The following KLF7 variants were observed in gnomAD, a reference collection of about 807,000 sequenced individuals.
KLF7 encodes KLF transcription factor 7, also known as Krueppel-like factor 7.
In KLF7, 2 loss-of-function variants were observed where a neutral mutation model predicts 27.3. The observed-to-expected ratio is 0.07, with a 90% CI of 0.03 to 0.23. The LOEUF (loss-of-function observed/expected upper bound fraction) is 0.23. Ranked by LOEUF, KLF7 falls within the 10% of genes least tolerant of loss-of-function variation. The probability of loss-of-function intolerance (pLI) is 1.00; values close to 1 mark genes in which losing one functional copy is unlikely to be tolerated. For synonymous variants in KLF7, 165 were observed against 162.4 expected (o/e 1.02, Z -0.12); for missense variants, 221 against 394.1 (o/e 0.56, Z 3.72).
rs187785511 is a variant in KLF7, at chr2:207,155,170, T to C, written c.102+10297A>G. Among the ~76,000 whole-genome samples, 11 of 152,302 alleles carry C rather than the reference T, an allele frequency of 7.2e-5. No individual in the cohort carries two copies. The East Asian group carries it at 1.7e-3, about 24-fold the overall frequency. ...TTTCCATCTGTAAAATGGGGATAAATAGAATACGCATTTCATAGAGCTGTT... is the reference window on the plus strand; with the variant it reads ...TTTCCATCTGTAAAATGGGGATAAACAGAATACGCATTTCATAGAGCTGTT... On this transcript the variant is annotated intron_variant, in intron 1 of 3. Coordinates refer to ENST00000309446, the MANE Select transcript of KLF7 (RefSeq NM_003709.4).
chr2:207,084,438 A>G (rs546824475), intron 3 of KLF7, among the ~76,000 whole-genome samples: 18 of 152,050 alleles, frequency 1.2e-4, no homozygotes, highest in East Asian at 1.9e-4. Flanking sequence ...AAATTCAGGG[A>G]AAAAAAAGTG....
intron 1 of KLF7, among the ~76,000 whole-genome samples, chr2:207,160,385 A>G (rs1039969472): frequency 3.3e-5 from 5 of 152,350 alleles, no homozygotes; most frequent in Admixed American, 2.0e-4. Flanking sequence ...GTTCTAACAC[A>G]TAGGCTAACT....
At chr2:207,114,219 T>A (rs905842824) in intron 2 of KLF7, among the ~76,000 whole-genome samples, 3 of 152,236 alleles carry the variant, frequency 2.0e-5, no homozygotes, top group Non-Finnish European at 4.4e-5. Context: ...TTATTACCTA[T>A]ATCAAGGAAG....
intron 2 of KLF7, among the ~76,000 whole-genome samples, chr2:207,099,368 C>T (rs1409774129): frequency 1.3e-5 from 2 of 151,894 alleles, no homozygotes; most frequent in East Asian, 3.9e-4. Flanking sequence ...GGAGACTAAA[C>T]TAGGCCTTAT....
At position 207,080,681 on chromosome 2, in the gene KLF7, G is replaced by A. The variant is rs1242854338; in HGVS notation, c.*532C>T. On this transcript the variant is annotated 3_prime_UTR_variant, in exon 4 of 4. Transcript: ENST00000309446. The stretch of plus-strand genomic sequence containing the variant: ...ACAAATAAACCAAGAGTTAATTTTG[G>A]CTACCAAACTGCAATTTGGTTTTCT... 1 of 397,190 alleles carries A rather than the reference G, an allele frequency of 2.5e-6. No homozygotes were observed. Among genetic ancestry groups the A allele is most frequent in the East Asian group, 3.6e-5 (1 of 28,056 alleles). The allele number at this position is 397,190 out of a possible 1,614,324, so 24.6% of individuals were successfully genotyped here. A position where few individuals can be genotyped will look rare whatever the true frequency, so the allele number is the denominator to read the frequency against.
intron 3 of KLF7, among the ~76,000 whole-genome samples, chr2:207,087,871 T>C (rs753245810): frequency 5.3e-5 from 8 of 152,178 alleles, no homozygotes; most frequent in Non-Finnish European, 8.8e-5. Flanking sequence ...TAAAATTGAA[T>C]TACAGGAGGA....
rs561290361 is a variant in KLF7 at position 207,143,599 on chromosome 2, T to C, written c.103-19195A>G. Among the ~76,000 whole-genome samples the C allele has an allele frequency of 1.0e-3, 158 of 152,326 alleles. 3 individuals carry two copies. The highest frequency in any genetic ancestry group is 1.6e-4 in the Non-Finnish European group (11 of 68,036). ...ACCCATTCCTGTAGACATGCATTTA[T>C]GACCACATTCTCCTGGCCAGTAACC... On this transcript the variant is annotated intron_variant, in intron 1 of 3. Transcript: ENST00000309446.
chr2:207,105,531 G>A (rs955215096), intron 2 of KLF7, among the ~76,000 whole-genome samples: 2 of 152,116 alleles, frequency 1.3e-5, no homozygotes, highest in Non-Finnish European at 2.9e-5. Context: ...ATCATGCTGG[G>A]GTTTTCTAGA....
intron 1 of KLF7, among the ~76,000 whole-genome samples, chr2:207,149,952 CTTA>C (rs1351202752): frequency 3.3e-5 from 5 of 151,456 alleles, no homozygotes; most frequent in African/African-American, 1.2e-4. Flanking sequence ...TCCCCGTCTT[CTTA>C]TTATCTAACA....
intron 1 of KLF7, among the ~76,000 whole-genome samples, chr2:207,159,202 C>T (rs554201785): frequency 1.1e-4 from 17 of 152,286 alleles, no homozygotes; most frequent in Non-Finnish European, 1.9e-4. Context: ...TAATCATTTC[C>T]GAATGGCACA....
rs909783988 is a variant in KLF7, at chr2:207,080,318, T to A, written c.*895A>T. 1 of 152,350 alleles carries A rather than the reference T, an allele frequency of 6.6e-6. No individual in the cohort carries two copies. The highest frequency in any genetic ancestry group is 2.4e-5 in the African/African-American group (1 of 41,426). The allele number at this position is 152,350 out of a possible 1,614,324, so 9.4% of individuals were successfully genotyped here. A position where few individuals can be genotyped will look rare whatever the true frequency, so the allele number is the denominator to read the frequency against. Reference sequence around the variant, plus strand: ...AAACGGAGAGATTAAAAAGAAAAAATCTAGCACTGGCAATAAGGTGAGGCT... The same window carrying A: ...AAACGGAGAGATTAAAAAGAAAAAAACTAGCACTGGCAATAAGGTGAGGCT... On this transcript the variant is annotated 3_prime_UTR_variant, in exon 4 of 4. Coordinates refer to ENST00000309446, the MANE Select transcript of KLF7 (RefSeq NM_003709.4).
intron 2 of KLF7, among the ~76,000 whole-genome samples, chr2:207,110,865 G>A (rs2077018182): frequency 6.6e-6 from 1 of 152,182 alleles, no homozygotes; most frequent in Admixed American, 6.5e-5. Context: ...TTTTGCAAGT[G>A]GATCAGAGCA....
intron 3 of KLF7, among the ~76,000 whole-genome samples, chr2:207,087,119 T>C (rs184305428): frequency 6.6e-6 from 1 of 152,260 alleles, no homozygotes; most frequent in Admixed American, 6.5e-5. Flanking sequence ...TTCTAGGTAA[T>C]GGATGGAAAT....
chr2:207,115,903 T>G (rs1050792322), intron 2 of KLF7, among the ~76,000 whole-genome samples: 1 of 152,204 alleles, frequency 6.6e-6, no homozygotes, highest in East Asian at 1.9e-4. Flanking sequence ...CAGTCTACAG[T>G]GTATTGCTAC....
At chr2:207,166,953 GCCCT>G, upstream of KLF7, 1 of 789,170 alleles carries the variant, frequency 1.3e-6, no homozygotes, top group Non-Finnish European at 1.6e-6. Context: ...CGCCGCCGCC[GCCCT>G]CCCTCCCGCG....
At chr2:207,154,530 C>A (rs950202537) in intron 1 of KLF7, among the ~76,000 whole-genome samples, 3 of 152,180 alleles carry the variant, frequency 2.0e-5, no homozygotes, top group Admixed American at 2.0e-4. Flanking sequence ...AAAAGGTATA[C>A]CATATCCAAT....
chr2:207,157,479 T>C (rs1408838159), intron 1 of KLF7, among the ~76,000 whole-genome samples: 2 of 152,154 alleles, frequency 1.3e-5, no homozygotes, highest in African/African-American at 2.4e-5. Context: ...AGGAAAAGCA[T>C]AGTCACTTAA....
At chr2:207,085,261 G>C (rs1050541547) in intron 3 of KLF7, among the ~76,000 whole-genome samples, 3 of 150,638 alleles carry the variant, frequency 2.0e-5, no homozygotes, top group Admixed American at 2.0e-4. Context: ...GCTAAGATAC[G>C]GGCTGGTATT....
At chr2:207,162,096 A>C (rs1445189258) in intron 1 of KLF7, among the ~76,000 whole-genome samples, 1 of 152,224 alleles carries the variant, frequency 6.6e-6, no homozygotes, top group Non-Finnish European at 1.5e-5. Flanking sequence ...AAGTTCTAAA[A>C]GTCTTTGTAT....
Sources: allele counts gnomAD v4.1 joint callset (sites outside exome capture counted in the v4.1 genomes callset), GRCh38; gene constraint gnomAD v4.1.1; transcripts MANE v1.5; gene names NCBI Gene and HGNC (gene_info 2026-07-23, HGNC 2026-07-21).